Variants in HIVEP1 observed in about 807,000 individuals in gnomAD.
HIVEP1 encodes the protein zinc finger protein 40.
In HIVEP1, 36 loss-of-function variants were observed where a neutral mutation model predicts 180.0. The ratio of observed to expected loss-of-function variants is 0.20; its 90% CI spans 0.15 to 0.26. The LOEUF is 0.26. Among genes scored for constraint, HIVEP1 ranks in the 10% least tolerant of loss-of-function variants. HIVEP1 has a pLI of 1.00. For synonymous variants in HIVEP1, 1,239 were observed against 1,239.0 expected, an observed-to-expected ratio of 1.00 and a Z score of 0.00; for missense variants, 3,143 against 3,268.7, an observed-to-expected ratio of 0.96 and a Z score of 0.94.
rs543109288 is a variant in HIVEP1, at chr6:12,121,666, A to G, written c.1871A>G (p.Gln624Arg). 256 of 1,614,220 alleles carry G rather than the reference A, an allele frequency of 1.6e-4. No individual in the cohort carries two copies. In the South Asian group the frequency reaches 2.7e-3, roughly 17 times the overall value. Residue 624 changes from glutamine (Q) to arginine (R), a missense_variant, in exon 4 of 9, where the codon CAG becomes CGG. Physicochemically the swap from Gln to Arg is conservative, Grantham distance 43 (BLOSUM62 1). Transcript: ENST00000379388. This position sits in a 1 kb window ranked among gnomAD's most constrained non-coding sequence, Gnocchi z 5.3. ...TTGGAGACTAATGAGAATTCCCACCAGAAAGGCGACATGAATCCACTGGAA... is the reference window on the plus strand; with the variant it reads ...TTGGAGACTAATGAGAATTCCCACCGGAAAGGCGACATGAATCCACTGGAA... ...SRLETNENSH[Q>R]KGDMNPLEGK...
At chr6:12,159,191 C>CGTGT (rs571300949) in intron 7 of HIVEP1, among the ~76,000 whole-genome samples, 6 of 150,978 alleles carry the variant, frequency 4.0e-5, no homozygotes, top group African/African-American at 7.3e-5. Context: ...TTAGGCTGTA[C>CGTGT]GTGTGTGTGT....
chr6:12,124,502 A>C lies in HIVEP1; in HGVS notation c.4707A>C (p.Ser1569=). 6.2e-7 allele frequency: 1 copy of C among 1,614,212 alleles called. No homozygotes were observed. Among genetic ancestry groups the C allele is most frequent in the African/African-American group, 1.3e-5 (1 of 75,058 alleles). Reference sequence around the variant, plus strand: ...AATTGCATTGTCAGGTTTTCACTTCAGGCCCATCTTGCTCTTCTAATCCTG... The same window carrying C: ...AATTGCATTGTCAGGTTTTCACTTCCGGCCCATCTTGCTCTTCTAATCCTG... ...KYQLHCQVFT[S]GPSCSSNPVH... The change falls in exon 4 of 9, where the codon TCA becomes TCC. Residue 1569 remains serine (S), a synonymous_variant. Coordinates refer to ENST00000379388, the MANE Select transcript of HIVEP1 (RefSeq NM_002114.4).
Position 12,122,404 on chromosome 6 carries a change from A to G in HIVEP1, c.2609A>G (p.Lys870Arg). 1.9e-6 allele frequency: 3 copies of G among 1,614,226 alleles called. No homozygotes were observed. The highest frequency in any genetic ancestry group is 2.7e-5 in the African/African-American group (2 of 75,068). The change falls in exon 4 of 9, where the codon AAA becomes AGA. Residue 870 changes from lysine (K) to arginine (R), a missense_variant. Lys to Arg is a conservative substitution (Grantham distance 26, BLOSUM62 2). This residue lies in a region of HIVEP1 where 204 missense variants were observed against 243.7 expected (regional missense o/e 0.84). Coordinates refer to ENST00000379388, the MANE Select transcript of HIVEP1 (RefSeq NM_002114.4). ...PLRGSQSFDD[K>R]IGAFYDDVFV... The stretch of plus-strand genomic sequence containing the variant: ...AGAGGAAGTCAGTCATTTGATGACA[A>G]AATTGGCGCTTTCTATGATGATGTC...
chr6:12,190,498 G>A, the HIVEP1 span, among the ~76,000 whole-genome samples: 1 of 152,110 alleles, frequency 6.6e-6, no homozygotes, highest in Non-Finnish European at 1.5e-5. Context: ...TTTGGAGCCT[G>A]TGCACTGCTT....
At chr6:12,103,488 C>G (rs1264532157) in intron 3 of HIVEP1, among the ~76,000 whole-genome samples, 2 of 151,888 alleles carry the variant, frequency 1.3e-5, no homozygotes, top group Non-Finnish European at 2.9e-5. Context: ...GAAGTGGTAA[C>G]TGGATGCAAG....
intron 3 of HIVEP1, among the ~76,000 whole-genome samples, chr6:12,119,064 C>T (rs1469021971): frequency 6.6e-6 from 1 of 152,206 alleles, no homozygotes; most frequent in Non-Finnish European, 1.5e-5. Context: ...CATTTGTCTG[C>T]ACACAATGAA....
chr6:12,129,359 T>C (rs1758283653), intron 4 of HIVEP1, among the ~76,000 whole-genome samples: 1 of 152,232 alleles, frequency 6.6e-6, no homozygotes, highest in Non-Finnish European at 1.5e-5. Context: ...AAGGAGTAGC[T>C]AGCTCTTTTC....
At chr6:12,007,892 G>T (rs1226406872), upstream of HIVEP1, 3 of 151,648 alleles carry the variant, frequency 2.0e-5, no homozygotes, top group African/African-American at 7.3e-5. Flanking sequence ...TTCCCTCTAG[G>T]TATTTTTCCA....
At chr6:12,079,016 C>T (rs6905883) in intron 2 of HIVEP1, among the ~76,000 whole-genome samples, 2,225 of 152,098 alleles carry the variant, frequency 0.015, 66 homozygotes, top group African/African-American at 0.05. Context: ...CGTGTAGCCT[C>T]TCAGGGTGAG....
chr6:12,121,928 A>T lies in HIVEP1; in HGVS notation c.2133A>T (p.Ala711=). Residue 711 remains alanine, a synonymous_variant, in exon 4 of 9, where the codon GCA becomes GCT. Transcript: ENST00000379388. This position sits in a 1 kb window ranked among gnomAD's most constrained non-coding sequence, Gnocchi z 5.3. ...QDSGRSNGPS[A]ALVTTSTPSA... ...CTGGAAGGAGTAACGGACCCTCTGC[A>T]GCTCTTGTCACCACGTCAACACCCT... The T allele has an allele frequency of 6.2e-7, 1 of 1,614,196 alleles. No individual in the cohort carries two copies. Among genetic ancestry groups the T allele is most frequent in the Non-Finnish European group, 8.5e-7 (1 of 1,180,016 alleles).
chr6:12,164,680 C>T lies in HIVEP1; in HGVS notation c.*219C>T. On this transcript the variant is annotated 3_prime_UTR_variant, in exon 9 of 9. Transcript: ENST00000379388. ...CTTTTAGGAGCTTTATGTTTAGAAA[C>T]TGTACAGATTGTTGAATATCTATAT... is the stretch of plus-strand genomic sequence containing the variant. 1 of 449,456 alleles carries T rather than the reference C, an allele frequency of 2.2e-6. No individual in the cohort carries two copies. Among genetic ancestry groups the T allele is most frequent in the Non-Finnish European group, 3.9e-6 (1 of 255,740 alleles). 27.8% of individuals were successfully genotyped at this position (449,456 alleles called of 1,614,324 possible). A position where few individuals can be genotyped will look rare whatever the true frequency, so the allele number is the denominator to read the frequency against.
chr6:12,009,225 G>T (rs1474243583), upstream of HIVEP1, among the ~76,000 whole-genome samples: 1 of 149,380 alleles, frequency 6.7e-6, no homozygotes, highest in Non-Finnish European at 1.5e-5. Context: ...CCGGCCGGGC[G>T]GCCGCGTGGG....
chr6:12,081,549 C>T (rs1462418740), intron 2 of HIVEP1, among the ~76,000 whole-genome samples: 4 of 152,100 alleles, frequency 2.6e-5, no homozygotes, highest in African/African-American at 9.7e-5. Flanking sequence ...AGAACAGCCT[C>T]GAGTCTTCCC....
intron 2 of HIVEP1, among the ~76,000 whole-genome samples, chr6:12,080,714 G>A (rs999046082): frequency 7.9e-5 from 12 of 152,116 alleles, no homozygotes; most frequent in African/African-American, 2.9e-4. Flanking sequence ...CATGCTTTCT[G>A]AAAAGGATAA....
At chr6:12,197,991 C>T in the HIVEP1 span, among the ~76,000 whole-genome samples, 1 of 152,168 alleles carries the variant, frequency 6.6e-6, no homozygotes, top group Non-Finnish European at 1.5e-5. Flanking sequence ...GACCAGTTGG[C>T]TGGACGTGGG....
the HIVEP1 span, among the ~76,000 whole-genome samples, chr6:12,173,770 G>A: frequency 6.6e-6 from 1 of 152,156 alleles, no homozygotes; most frequent in Non-Finnish European, 1.5e-5. Context: ...AAGACAGTAT[G>A]TTTAGCTAGC....
chr6:12,099,242 C>T (rs1354472992), intron 3 of HIVEP1, among the ~76,000 whole-genome samples: 2 of 147,064 alleles, frequency 1.4e-5, no homozygotes, highest in African/African-American at 2.5e-5. Flanking sequence ...AGTGCAGTGG[C>T]GGGATCTCGG....
chr6:12,204,879 C>T, the HIVEP1 span, among the ~76,000 whole-genome samples: 2 of 152,118 alleles, frequency 1.3e-5, no homozygotes, highest in Admixed American at 6.5e-5. Context: ...TGTATGACAT[C>T]AGGAGGTAAT....
At chr6:12,019,718 T>C (rs946710505) in intron 2 of HIVEP1, among the ~76,000 whole-genome samples, 11 of 152,228 alleles carry the variant, frequency 7.2e-5, no homozygotes, top group African/African-American at 2.4e-4. Flanking sequence ...ATTTTTCTTA[T>C]GCTTCCATGG....
Sources: gnomAD v4.1 joint callset for allele counts (sites outside exome capture counted in the v4.1 genomes callset) on GRCh38, gnomAD v4.1.1 for gene constraint, gnomAD v4.1.1 regional missense constraint, Gnocchi (gnomAD v3.1) non-coding constraint, MANE v1.5 for transcripts, NCBI Gene and HGNC (gene_info 2026-07-23, HGNC 2026-07-21) for gene names.